The following PTH2R variants were observed in gnomAD, a reference collection of about 807,000 sequenced individuals.
PTH2R encodes the protein PTH2 receptor.
In PTH2R, 59 loss-of-function variants were observed where a neutral mutation model predicts 60.3. That is an observed-to-expected ratio of 0.98 (90% CI 0.79 to 1.22). The LOEUF (loss-of-function observed/expected upper bound fraction) is 1.22. PTH2R is among the 50% of genes most tolerant of loss of function. The probability of loss-of-function intolerance (pLI) is 0.00; values close to 1 mark genes in which losing one functional copy is unlikely to be tolerated. For synonymous variants in PTH2R, 256 were observed against 243.8 expected (o/e 1.05, Z -0.47); for missense variants, 749 against 682.6 (o/e 1.10, Z -1.08).
intron 1 of PTH2R, among the ~76,000 whole-genome samples, chr2:208,407,373 G>A (rs1701438608): frequency 6.6e-6 from 1 of 152,214 alleles, no homozygotes; most frequent in African/African-American, 2.4e-5. Context: ...GCAAAGTAAG[G>A]GGATATTTCC....
exon 1 of PTH2R, chr2:208,359,921 A>G: frequency 4.3e-6 from 1 of 234,944 alleles, no homozygotes; most frequent in South Asian, 4.5e-5. Context: ...GGGAGGTGGC[A>G]GATCTGCGGG....
intron 1 of PTH2R, among the ~76,000 whole-genome samples, chr2:208,414,849 T>A (rs963899389): frequency 1.2e-4 from 19 of 152,232 alleles, no homozygotes; most frequent in African/African-American, 4.6e-4. Flanking sequence ...GCACTTTACC[T>A]CTGTGGTCTT....
At chr2:208,370,318 C>G (rs1243157586) in intron 1 of PTH2R, among the ~76,000 whole-genome samples, 2 of 151,544 alleles carry the variant, frequency 1.3e-5, no homozygotes, top group Admixed American at 1.3e-4. Flanking sequence ...TGGCGGGCAC[C>G]TGTAGTCCCA....
At position 208,407,112 on chromosome 2, in the gene PTH2R, A is replaced by C; in HGVS notation, c.69A>C (p.Arg23Ser). The C allele has an allele frequency of 7.2e-7, 1 of 1,396,432 alleles. No individual in the cohort carries two copies. The highest frequency in any genetic ancestry group is 1.9e-5 in the South Asian group (1 of 53,788). 86.5% of individuals were successfully genotyped at this position (1,396,432 alleles called of 1,614,324 possible). A position where few individuals can be genotyped will look rare whatever the true frequency, so the allele number is the denominator to read the frequency against. ...TGCTCGGCAGCTGCCTCCTGGCCAG[A>C]GCCCAGGTAAGAGCCAGTGCTCCGC... ...WLMLGSCLLA[R>S]AQLDSDGTIT... Residue 23 changes from arginine to serine, a missense_variant, in exon 1 of 13, where the codon AGA becomes AGC. By Grantham distance (110) the Arg-to-Ser change is moderately radical (BLOSUM62 -1). Coordinates refer to ENST00000272847, the MANE Select transcript of PTH2R (RefSeq NM_005048.4).
chr2:208,472,655 C>A (rs1306305064), intron 9 of PTH2R, among the ~76,000 whole-genome samples: 2 of 152,140 alleles, frequency 1.3e-5, no homozygotes, highest in South Asian at 2.1e-4. Flanking sequence ...GTCCATTAAA[C>A]CTTTTTTTTG....
At chr2:208,489,828 T>TA (rs1204454718) in intron 11 of PTH2R, among the ~76,000 whole-genome samples, 9 of 152,182 alleles carry the variant, frequency 5.9e-5, no homozygotes, top group African/African-American at 2.2e-4. Flanking sequence ...TGTAGCTCAT[T>TA]AAGTTAGGGC....
At chr2:208,392,199 C>A (rs7565191) in intron 1 of PTH2R, among the ~76,000 whole-genome samples, 4,260 of 152,256 alleles carry the variant, frequency 0.028, 186 homozygotes, top group African/African-American at 0.096. Flanking sequence ...TTAGGGACCA[C>A]TGGATGGATT....
intron 1 of PTH2R, among the ~76,000 whole-genome samples, chr2:208,410,717 C>A (rs546460604): frequency 5.9e-5 from 9 of 152,230 alleles, no homozygotes; most frequent in African/African-American, 1.9e-4. Context: ...AATACATGCA[C>A]ATAAAACAGT....
At chr2:208,403,189 C>T (rs538969121), upstream of PTH2R, among the ~76,000 whole-genome samples, 1 of 152,200 alleles carries the variant, frequency 6.6e-6, no homozygotes. Context: ...CCATTTAATC[C>T]ATGATATTGG....
At position 208,399,012 on chromosome 2, in the gene PTH2R, A is replaced by G. The variant is rs148530750; in HGVS notation, c.-258-29189A>G. ...TAATAGACAAGCTTCTTTATAAGCA[A>G]TATGTGCAGAGACATCGTTCAAACA... On this transcript the variant is annotated intron_variant, in intron 1 of 12. Coordinates refer to the PTH2R transcript ENST00000617735. Among the ~76,000 whole-genome samples, 112 of 152,342 alleles carry G rather than the reference A, an allele frequency of 7.4e-4. No individual in the cohort carries two copies. In the East Asian group the frequency reaches 0.015, roughly 21 times the overall value.
chr2:208,467,434 C>T (rs1217905602), intron 9 of PTH2R, among the ~76,000 whole-genome samples: 1 of 152,130 alleles, frequency 6.6e-6, no homozygotes, highest in Non-Finnish European at 1.5e-5. Flanking sequence ...ACGCAATCTG[C>T]TAAGAGATTG....
intron 1 of PTH2R, among the ~76,000 whole-genome samples, chr2:208,384,183 G>A (rs1700965605): frequency 6.6e-6 from 1 of 152,192 alleles, no homozygotes; most frequent in Non-Finnish European, 1.5e-5. Flanking sequence ...AGTGTAGGCT[G>A]AACTGGTTAG....
chr2:208,406,710 C>G (rs567811121), upstream of PTH2R: 6 of 223,534 alleles, frequency 2.7e-5, no homozygotes, highest in Admixed American at 2.3e-4. Flanking sequence ...CGAGCGCAGC[C>G]GCGCGGGGCG....
At chr2:208,380,477 C>G (rs1485150792) in intron 1 of PTH2R, among the ~76,000 whole-genome samples, 1 of 152,068 alleles carries the variant, frequency 6.6e-6, no homozygotes, top group African/African-American at 2.4e-5. Flanking sequence ...GAAATAAGAT[C>G]AGTAGATTCT....
intron 12 of PTH2R, among the ~76,000 whole-genome samples, chr2:208,491,550 G>A (rs1559235952): frequency 1.3e-5 from 2 of 152,132 alleles, no homozygotes; most frequent in South Asian, 4.2e-4. Flanking sequence ...AGGGTTCAGG[G>A]TGGGAGAGCT....
Position 208,395,363 on chromosome 2 carries a change from G to A in PTH2R, c.-258-32838G>A, listed in dbSNP as rs1427009258. On this transcript the variant is annotated intron_variant, in intron 1 of 12. Transcript: ENST00000617735. ...GCCCGGCCGAGTCTGATTTCTAATGGTGCAAAAGGAAGCTGCGGTATTGCT... is the reference window on the plus strand; with the variant it reads ...GCCCGGCCGAGTCTGATTTCTAATGATGCAAAAGGAAGCTGCGGTATTGCT... 2.6e-5 allele frequency among the ~76,000 whole-genome samples: 4 copies of A among 152,088 alleles called. No individual in the cohort carries two copies. In the East Asian group the frequency reaches 7.7e-4, roughly 29 times the overall value.
At chr2:208,483,479 T>C (rs115572118) in intron 10 of PTH2R, among the ~76,000 whole-genome samples, 140 of 152,348 alleles carry the variant, frequency 9.2e-4, no homozygotes, top group Non-Finnish European at 1.5e-3. Flanking sequence ...TTTAGTAAAG[T>C]GTTGCTCAAA....
At chr2:208,409,044 A>T (rs1283905674) in intron 1 of PTH2R, among the ~76,000 whole-genome samples, 4 of 152,296 alleles carry the variant, frequency 2.6e-5, no homozygotes, top group African/African-American at 9.6e-5. Flanking sequence ...AAATGTCTCT[A>T]GATGTTGCTG....
intron 7 of PTH2R, among the ~76,000 whole-genome samples, chr2:208,448,495 G>A (rs142668014): frequency 2.0e-5 from 3 of 151,196 alleles, no homozygotes; most frequent in Non-Finnish European, 4.4e-5. Flanking sequence ...CTAGCCGGGC[G>A]TGGCAGCGTG....
Sources: allele counts gnomAD v4.1 joint callset (sites outside exome capture counted in the v4.1 genomes callset), GRCh38; gene constraint gnomAD v4.1.1; transcripts MANE v1.5; gene names NCBI Gene and HGNC (gene_info 2026-07-23, HGNC 2026-07-21).